The following RCHY1 variants were observed in gnomAD, a reference collection of about 807,000 sequenced individuals.
RCHY1 encodes ring finger and CHY zinc finger domain containing 1, also known as RING finger and CHY zinc finger domain-containing protein 1.
Under a neutral mutation model 41.6 loss-of-function variants are expected in RCHY1, and 21 were observed. The observed-to-expected ratio is 0.51, with a 90% confidence interval of 0.36 to 0.73. RCHY1 has a LOEUF of 0.73. Ranked by LOEUF, RCHY1 falls within the 30% of genes least tolerant of loss-of-function variation. RCHY1 has a pLI of 0.00. For synonymous variants in RCHY1, 79 were observed against 102.9 expected (o/e 0.77, Z 1.41); for missense variants, 265 against 325.3 (o/e 0.81, Z 1.43).
At chr4:75,509,378 C>A in intron 1 of RCHY1, 82 bp from the exon 2 acceptor site, 1 of 1,343,912 alleles carries the variant, frequency 7.4e-7, no homozygotes. Flanking sequence ...TTTCTTCCTC[C>A]TCCTCCTGGA....
rs79780893 is a variant in RCHY1, at chr4:75,488,147, T to C, written c.657+2434A>G. ...TTTAACCTTTGTGTTATATTTTTAT[T>C]AAGATTTATTCCAAAATTATATGAG... On this transcript the variant is annotated intron_variant, in intron 8 of 8. Transcript: ENST00000324439. Among the ~76,000 whole-genome samples the C allele has an allele frequency of 1.9e-4, 29 of 151,976 alleles. No homozygotes were observed. The East Asian group carries it at 5.6e-3, about 29-fold the overall frequency.
At chr4:75,493,400 G>A (rs1273682232) in intron 4 of RCHY1, among the ~76,000 whole-genome samples, 1 of 151,330 alleles carries the variant, frequency 6.6e-6, no homozygotes, top group Non-Finnish European at 1.5e-5. Context: ...ATATTCTATC[G>A]AACCTACTAT....
chr4:75,486,808 G>A (rs1413774338), intron 8 of RCHY1, among the ~76,000 whole-genome samples: 3 of 152,036 alleles, frequency 2.0e-5, no homozygotes, highest in Non-Finnish European at 4.4e-5. Flanking sequence ...GTGAAACCCC[G>A]TCTCTACTAA....
In RCHY1 at chr4:75,482,301, A is replaced by G. The variant is rs968562131; in HGVS notation, c.*237T>C. 4 of 288,650 alleles carry G rather than the reference A, an allele frequency of 1.4e-5. No homozygotes were observed. The highest frequency in any genetic ancestry group is 1.9e-5 in the Non-Finnish European group (3 of 157,838). 17.9% of individuals were successfully genotyped at this position (288,650 alleles called of 1,614,324 possible). On this transcript the variant is annotated 3_prime_UTR_variant, in exon 9 of 9. Transcript: ENST00000324439. ...CATCATTGGCTTCCAAAAAACTGAC[A>G]CTAAAGGAATTTCCAATCAAAACAC... is the stretch of plus-strand genomic sequence containing the variant.
chr4:75,490,784 C>G (rs903939609), intron 7 of RCHY1, 83 bp from the exon 8 acceptor site: 1 of 971,976 alleles, frequency 1.0e-6, no homozygotes, highest in Non-Finnish European at 1.5e-6. Flanking sequence ...AGGCTAACTG[C>G]CACATGAACC....
At chr4:75,489,475 T>C (rs1044667181) in intron 8 of RCHY1, among the ~76,000 whole-genome samples, 7 of 152,158 alleles carry the variant, frequency 4.6e-5, no homozygotes, top group Non-Finnish European at 8.8e-5. Flanking sequence ...AGTTGTAAAA[T>C]AGTTAAATAA....
chr4:75,503,864 G>C (rs1161202725), intron 3 of RCHY1, among the ~76,000 whole-genome samples: 2 of 151,988 alleles, frequency 1.3e-5, no homozygotes, highest in Non-Finnish European at 2.9e-5. Flanking sequence ...TACTTAATAT[G>C]GTTCATAAGT....
rs1721342925 is a variant in RCHY1, at chr4:75,479,265, T to G, written c.*3273A>C. 7.4e-6 allele frequency: 1 copy of G among 134,762 alleles called. No homozygotes were observed. 8.3% of individuals were successfully genotyped at this position (134,762 alleles called of 1,614,324 possible). A position where few individuals can be genotyped will look rare whatever the true frequency, so the allele number is the denominator to read the frequency against. On this transcript the variant is annotated 3_prime_UTR_variant, in exon 9 of 9. Coordinates refer to ENST00000324439, the MANE Select transcript of RCHY1 (RefSeq NM_015436.4). The stretch of plus-strand genomic sequence containing the variant: ...ATATATAATATACACAATTATCAAT[T>G]AAATTTTAATAACACAAAGGACAAA...
chr4:75,509,374 C>T, intron 1 of RCHY1, 78 bp from the exon 2 acceptor site: 1 of 1,343,894 alleles, frequency 7.4e-7, no homozygotes, highest in Non-Finnish European at 1.0e-6. Flanking sequence ...AAAATTTCTT[C>T]CTCCTCCTCC....
At chr4:75,486,839 C>T (rs576487020) in intron 8 of RCHY1, among the ~76,000 whole-genome samples, 5 of 152,102 alleles carry the variant, frequency 3.3e-5, no homozygotes, top group Admixed American at 6.6e-5. Flanking sequence ...ATTAGCCAGG[C>T]GTAGTGGTGT....
At chr4:75,503,700 A>G (rs1028493613) in intron 3 of RCHY1, among the ~76,000 whole-genome samples, 1 of 152,060 alleles carries the variant, frequency 6.6e-6, no homozygotes, top group Non-Finnish European at 1.5e-5. Context: ...TCAAAAAAAA[A>G]TTAATTAAAA....
At chr4:75,507,796 C>T (rs1275546479) in intron 3 of RCHY1, among the ~76,000 whole-genome samples, 1 of 151,854 alleles carries the variant, frequency 6.6e-6, no homozygotes, top group Non-Finnish European at 1.5e-5. Flanking sequence ...AGTATGTGAC[C>T]GCTGAAAGAC....
rs993329936 is a variant in RCHY1 at position 75,480,558 on chromosome 4, T to C, written c.*1980A>G. 4 of 152,274 alleles carry C rather than the reference T, an allele frequency of 2.6e-5. No individual in the cohort carries two copies. The highest frequency in any genetic ancestry group is 1.3e-4 in the Admixed American group (2 of 15,282). 9.4% of individuals were successfully genotyped at this position (152,274 alleles called of 1,614,324 possible). On this transcript the variant is annotated 3_prime_UTR_variant, in exon 9 of 9. Coordinates refer to ENST00000324439, the MANE Select transcript of RCHY1 (RefSeq NM_015436.4). Reference sequence around the variant, plus strand: ...GGACAACACTTACCCCACAGAATCATTGTAGTAATTAATGCTAATGCATGA... The same window carrying C: ...GGACAACACTTACCCCACAGAATCACTGTAGTAATTAATGCTAATGCATGA...
intron 3 of RCHY1, among the ~76,000 whole-genome samples, chr4:75,507,017 T>G (rs906353824): frequency 6.6e-6 from 1 of 151,938 alleles, no homozygotes; most frequent in African/African-American, 2.4e-5. Flanking sequence ...CCTGTAAACT[T>G]AGAATTCTAC....
chr4:75,505,697 C>T (rs779628550), intron 3 of RCHY1, among the ~76,000 whole-genome samples: 15 of 151,918 alleles, frequency 9.9e-5, no homozygotes, highest in African/African-American at 1.2e-4. Flanking sequence ...TCCACAATGA[C>T]GAAATAGCTT....
rs189990312 is a variant in RCHY1, at chr4:75,495,997, G to A, written c.327-1818C>T. On this transcript the variant is annotated intron_variant, in intron 3 of 8. Coordinates refer to ENST00000324439, the MANE Select transcript of RCHY1 (RefSeq NM_015436.4). ...TTTATCATGTTTTGATATGTGGAAC[G>A]GCAATCCACTCTTCGTTGTCCTTCC... Among the ~76,000 whole-genome samples, 579 of 152,092 alleles carry A rather than the reference G, an allele frequency of 3.8e-3. 1 individual carries two copies. Among genetic ancestry groups the A allele is most frequent in the Non-Finnish European group, 6.5e-3 (441 of 67,944 alleles).
chr4:75,498,941 T>C (rs781427959), intron 3 of RCHY1, among the ~76,000 whole-genome samples: 1 of 152,008 alleles, frequency 6.6e-6, no homozygotes, highest in African/African-American at 2.4e-5. Context: ...CAGACGGAAT[T>C]ACATCAAGCT....
chr4:75,505,141 T>C (rs1443751822), intron 3 of RCHY1, among the ~76,000 whole-genome samples: 1 of 152,022 alleles, frequency 6.6e-6, no homozygotes, highest in Non-Finnish European at 1.5e-5. Context: ...TCATAAGGAG[T>C]ACACAACCTA....
chr4:75,482,750 T>C, intron 8 of RCHY1, 84 bp from the exon 9 acceptor site: 8 of 928,044 alleles, frequency 8.6e-6, no homozygotes, highest in Non-Finnish European at 1.2e-5. Flanking sequence ...TTGAAAATCA[T>C]ATTAAAGATG....
Sources: gnomAD v4.1 joint callset for allele counts (sites outside exome capture counted in the v4.1 genomes callset) on GRCh38, gnomAD v4.1.1 for gene constraint, MANE v1.5 for transcripts, NCBI Gene and HGNC (gene_info 2026-07-23, HGNC 2026-07-21) for gene names.